ARB2A: variants seen among roughly 807,000 people sequenced by gnomAD.
ARB2A encodes the protein cotranscriptional regulator ARB2A.
the ARB2A span, among the ~76,000 whole-genome samples, chr5:93,744,984 GAAGTT>G: frequency 2.6e-5 from 4 of 152,302 alleles, no homozygotes; most frequent in Admixed American, 2.6e-4. Context: ...CATCCAAAGG[GAAGTT>G]AAGAAGTTTT....
chr5:94,058,297 A>G, the ARB2A span, among the ~76,000 whole-genome samples: 4 of 152,232 alleles, frequency 2.6e-5, no homozygotes, highest in African/African-American at 9.6e-5. Context: ...GGAATAGAAG[A>G]AAATCCAGCA....
At chr5:93,623,868 G>A in the ARB2A span, among the ~76,000 whole-genome samples, 1 of 152,090 alleles carries the variant, frequency 6.6e-6, no homozygotes, top group African/African-American at 2.4e-5. Context: ...TAAATTTTTG[G>A]AAGTAGATTT....
the ARB2A span, among the ~76,000 whole-genome samples, chr5:94,004,838 T>C: frequency 6.6e-6 from 1 of 151,292 alleles, no homozygotes; most frequent in Non-Finnish European, 1.5e-5. Flanking sequence ...ATTTAATATA[T>C]ATTATTGATT....
chr5:93,959,048 G>C, the ARB2A span: 6 of 892,662 alleles, frequency 6.7e-6, no homozygotes, highest in Non-Finnish European at 9.5e-6. Flanking sequence ...ACTAATGGCT[G>C]TTACAAAGTA....
chr5:94,094,971 C>A, the ARB2A span, among the ~76,000 whole-genome samples: 1 of 152,182 alleles, frequency 6.6e-6, no homozygotes, highest in Admixed American at 6.5e-5. Flanking sequence ...CCATTGTCCT[C>A]TCCCCATGAC....
chr5:93,967,813 G>A, the ARB2A span, among the ~76,000 whole-genome samples: 1 of 152,076 alleles, frequency 6.6e-6, no homozygotes, highest in Non-Finnish European at 1.5e-5. Context: ...AAAGGGAAAT[G>A]CCCAGCTCCG....
chr5:93,741,119 T>TC, the ARB2A span: 1 of 1,613,852 alleles, frequency 6.2e-7, no homozygotes, highest in Non-Finnish European at 8.5e-7. Context: ...CCCACAGCGA[T>TC]CCCCACATCG....
chr5:93,763,818 T>C, the ARB2A span, among the ~76,000 whole-genome samples: 1 of 152,100 alleles, frequency 6.6e-6, no homozygotes, highest in Non-Finnish European at 1.5e-5. Flanking sequence ...CATCAGCAAA[T>C]GTAAAAGAAC....
chr5:93,696,090 C>T, the ARB2A span, among the ~76,000 whole-genome samples: 15 of 151,978 alleles, frequency 9.9e-5, no homozygotes, highest in Admixed American at 8.5e-4. Flanking sequence ...ATGTAGATGA[C>T]GGGTTGATGG....
At chr5:93,827,947 T>C in the ARB2A span, among the ~76,000 whole-genome samples, 176 of 152,330 alleles carry the variant, frequency 1.2e-3, no homozygotes, top group Non-Finnish European at 2.2e-3. Flanking sequence ...TTCTGTTCCA[T>C]TGATCTCTGT....
chr5:94,000,986 C>T, the ARB2A span, among the ~76,000 whole-genome samples: 1 of 152,040 alleles, frequency 6.6e-6, no homozygotes, highest in Admixed American at 6.6e-5. Context: ...TCTGGGCTTT[C>T]TATTCTATCC....
At chr5:93,979,692 G>A in the ARB2A span, among the ~76,000 whole-genome samples, 1 of 151,858 alleles carries the variant, frequency 6.6e-6, no homozygotes, top group Non-Finnish European at 1.5e-5. Flanking sequence ...ACTCAAGCTG[G>A]CAGGTTTTAT....
At chr5:93,680,249 T>C in the ARB2A span, among the ~76,000 whole-genome samples, 1 of 152,136 alleles carries the variant, frequency 6.6e-6, no homozygotes, top group East Asian at 1.9e-4. Flanking sequence ...TTAAAAACTC[T>C]TGTGTATTTA....
chr5:93,851,839 A>G, the ARB2A span, among the ~76,000 whole-genome samples: 4 of 152,100 alleles, frequency 2.6e-5, no homozygotes, highest in African/African-American at 9.7e-5. Flanking sequence ...ACATTTTCTT[A>G]ATCCAGTCTA....
chr5:94,019,321 T>G, the ARB2A span, among the ~76,000 whole-genome samples: 1 of 152,154 alleles, frequency 6.6e-6, no homozygotes, highest in Non-Finnish European at 1.5e-5. Context: ...GGGATCTAAT[T>G]AAACTAAAGA....
chr5:93,866,091 A>C, the ARB2A span: 4 of 984,818 alleles, frequency 4.1e-6, no homozygotes, highest in African/African-American at 7.0e-5. Flanking sequence ...GAGATGTTAA[A>C]ATGTGATAAA....
the ARB2A span, among the ~76,000 whole-genome samples, chr5:93,680,231 G>C: frequency 0.011 from 1,730 of 152,128 alleles, 29 homozygotes; most frequent in African/African-American, 0.04. Flanking sequence ...ATATAAAGAA[G>C]TAAATACTTA....
At chr5:93,935,144 G>T in the ARB2A span, among the ~76,000 whole-genome samples, 1 of 152,088 alleles carries the variant, frequency 6.6e-6, no homozygotes, top group Non-Finnish European at 1.5e-5. Context: ...TACACTGCTT[G>T]AGTATTGGGT....
At chr5:93,741,579 C>T in the ARB2A span, 4 of 1,504,338 alleles carry the variant, frequency 2.7e-6, no homozygotes, top group East Asian at 2.4e-5. Flanking sequence ...GAATGGCACC[C>T]GCAGCGGCTC....
Sources: gnomAD v4.1 joint callset for allele counts (sites outside exome capture counted in the v4.1 genomes callset) on GRCh38, gnomAD v4.1.1 for gene constraint, MANE v1.5 for transcripts, NCBI Gene and HGNC (gene_info 2026-07-23, HGNC 2026-07-21) for gene names.